CHRM2: variants seen among roughly 807,000 people sequenced by gnomAD.
CHRM2 encodes the protein cholinergic receptor muscarinic 2, also known as muscarinic acetylcholine receptor M2.
In CHRM2, 8 loss-of-function variants were observed where a neutral mutation model predicts 25.0. That is an observed-to-expected ratio of 0.32 (90% CI 0.19 to 0.58). The LOEUF (loss-of-function observed/expected upper bound fraction) is 0.58. Ranked by LOEUF, CHRM2 falls within the 20% of genes least tolerant of loss-of-function variation. The probability of loss-of-function intolerance (pLI) is 0.88; values close to 1 mark genes in which losing one functional copy is unlikely to be tolerated. For missense variants in CHRM2, 440 were observed against 567.1 expected (o/e 0.78, Z 2.28); for synonymous variants, 202 against 205.7 (o/e 0.98, Z 0.15).
chr7:137,008,352 TAA>T (rs1469173686), intron 3 of CHRM2, among the ~76,000 whole-genome samples: 1 of 152,142 alleles, frequency 6.6e-6, no homozygotes, highest in East Asian at 1.9e-4. Flanking sequence ...TCTTTAGTAA[TAA>T]TTTGTACTGA....
At chr7:136,874,234 CAT>C (rs1368331771) in intron 2 of CHRM2, among the ~76,000 whole-genome samples, 1 of 152,170 alleles carries the variant, frequency 6.6e-6, no homozygotes. Context: ...TTATTATCCA[CAT>C]GTGCTTTGAA....
chr7:136,992,609 T>A (rs1803303776), intron 3 of CHRM2, among the ~76,000 whole-genome samples: 1 of 152,124 alleles, frequency 6.6e-6, no homozygotes, highest in Admixed American at 6.6e-5. Flanking sequence ...ATTTTCAAAA[T>A]CTTCTGCCCT....
chr7:136,962,903 T>A (rs1410816816), intron 2 of CHRM2, among the ~76,000 whole-genome samples: 2 of 152,154 alleles, frequency 1.3e-5, no homozygotes, highest in African/African-American at 2.4e-5. Context: ...TACACTGTAG[T>A]AGGAATTATG....
chr7:136,927,713 G>A (rs1798829697), intron 2 of CHRM2, among the ~76,000 whole-genome samples: 2 of 152,150 alleles, frequency 1.3e-5, no homozygotes, highest in Non-Finnish European at 2.9e-5. Context: ...TGAGATCGGT[G>A]TGGAAATGGA....
chr7:136,881,513 C>T (rs987864243), intron 2 of CHRM2, among the ~76,000 whole-genome samples: 10 of 152,052 alleles, frequency 6.6e-5, no homozygotes, highest in African/African-American at 2.4e-4. Flanking sequence ...TCTAATCTTA[C>T]ATTTCCATAT....
At chr7:136,985,290 T>C (rs1484001678) in intron 2 of CHRM2, among the ~76,000 whole-genome samples, 2 of 152,046 alleles carry the variant, frequency 1.3e-5, no homozygotes, top group Non-Finnish European at 2.9e-5. Context: ...GGTGTGTAGA[T>C]CATGAGGCCA....
At chr7:136,991,610 G>T (rs1803236635) in intron 2 of CHRM2, among the ~76,000 whole-genome samples, 1 of 152,054 alleles carries the variant, frequency 6.6e-6, no homozygotes, top group Non-Finnish European at 1.5e-5. Context: ...GCCAAGCTTG[G>T]ATTAACTTAG....
At chr7:136,972,565 A>T (rs1789058476) in intron 2 of CHRM2, among the ~76,000 whole-genome samples, 2 of 152,204 alleles carry the variant, frequency 1.3e-5, no homozygotes, top group Admixed American at 6.5e-5. Flanking sequence ...GAAAAAAAAA[A>T]TATGGTTGAT....
intron 2 of CHRM2, among the ~76,000 whole-genome samples, chr7:136,919,407 T>C (rs1359829295): frequency 1.3e-5 from 2 of 152,118 alleles, no homozygotes; most frequent in Non-Finnish European, 2.9e-5. Context: ...AAATAAATAT[T>C]AGAATATTAA....
chr7:136,900,154 A>G (rs887563969), intron 2 of CHRM2, among the ~76,000 whole-genome samples: 1 of 152,044 alleles, frequency 6.6e-6, no homozygotes, highest in Admixed American at 6.6e-5. Context: ...AGACAGGCTT[A>G]TTTCTGATAC....
intron 2 of CHRM2, among the ~76,000 whole-genome samples, chr7:136,979,655 T>C (rs961586533): frequency 5.3e-5 from 8 of 152,256 alleles, no homozygotes; most frequent in Admixed American, 2.6e-4. Context: ...GTTTAAGTTT[T>C]CTGCATATGG....
At chr7:136,966,326 TGTC>T (rs920638934) in intron 2 of CHRM2, among the ~76,000 whole-genome samples, 21 of 152,104 alleles carry the variant, frequency 1.4e-4, no homozygotes, top group Middle Eastern at 6.8e-3. Context: ...TTAATAAAAT[TGTC>T]GTGATGGCAG....
rs889973880 is a variant in CHRM2 at position 136,985,522 on chromosome 7, A to C, written c.-124-6665A>C. Among the ~76,000 whole-genome samples the C allele has an allele frequency of 1.4e-4, 21 of 151,528 alleles. No individual in the cohort carries two copies. In the South Asian group the frequency reaches 1.5e-3, roughly 11 times the overall value. On this transcript the variant is annotated intron_variant, in intron 2 of 3. Coordinates refer to ENST00000680005, the MANE Select transcript of CHRM2 (RefSeq NM_001006630.2). ...TAGACTCCAAAAAAAAAAAAAAAAAAAAAAAACAAAAACACCTCTAATATC... is the reference window on the plus strand; with the variant it reads ...TAGACTCCAAAAAAAAAAAAAAAAACAAAAAACAAAAACACCTCTAATATC...
At position 137,019,415 on chromosome 7, in the gene CHRM2, T is replaced by C. The variant is rs1805329353; in HGVS notation, c.*3149T>C. On this transcript the variant is annotated 3_prime_UTR_variant, in exon 4 of 4. Coordinates refer to ENST00000680005, the MANE Select transcript of CHRM2 (RefSeq NM_001006630.2). ...TTGCCACAGATCTAGTCAATTGAGG[T>C]TGCAGTAGTTGGCCATCAAAATATT... is the stretch of plus-strand genomic sequence containing the variant. 6.6e-6 allele frequency: 1 copy of C among 151,892 alleles called. No individual in the cohort carries two copies. The highest frequency in any genetic ancestry group is 6.6e-5 in the Admixed American group (1 of 15,206). 9.4% of individuals were successfully genotyped at this position (151,892 alleles called of 1,614,324 possible).
intron 2 of CHRM2, among the ~76,000 whole-genome samples, chr7:136,886,130 C>T (rs1218466973): frequency 6.6e-6 from 1 of 152,154 alleles, no homozygotes; most frequent in African/African-American, 2.4e-5. Flanking sequence ...TTTCATTTGA[C>T]ATTTACCTAA....
intron 2 of CHRM2, among the ~76,000 whole-genome samples, chr7:136,991,873 T>C (rs953413211): frequency 3.3e-5 from 5 of 152,184 alleles, no homozygotes; most frequent in East Asian, 3.8e-4. Context: ...ATACTTACTA[T>C]TATCACACTT....
chr7:136,945,134 T>C (rs564507058), intron 2 of CHRM2, among the ~76,000 whole-genome samples: 1 of 152,088 alleles, frequency 6.6e-6, no homozygotes, highest in Non-Finnish European at 1.5e-5. Flanking sequence ...TATTAGTCCT[T>C]TTTCAGATGC....
intron 2 of CHRM2, among the ~76,000 whole-genome samples, chr7:136,934,743 A>G (rs1023925215): frequency 5.4e-5 from 8 of 149,260 alleles, no homozygotes; most frequent in Non-Finnish European, 1.1e-4. Flanking sequence ...GTAACATGGA[A>G]AACCAAATAC....
chr7:136,996,764 T>C (rs999285934), intron 3 of CHRM2, among the ~76,000 whole-genome samples: 3 of 152,196 alleles, frequency 2.0e-5, no homozygotes, highest in African/African-American at 7.2e-5. Flanking sequence ...TTTTCGAATG[T>C]CATAGGAAAA....
Sources: allele counts gnomAD v4.1 joint callset (sites outside exome capture counted in the v4.1 genomes callset), GRCh38; gene constraint gnomAD v4.1.1; transcripts MANE v1.5; gene names NCBI Gene and HGNC (gene_info 2026-07-23, HGNC 2026-07-21).